The following KCNQ5 variants were observed in gnomAD, a reference collection of about 807,000 sequenced individuals.
KCNQ5 encodes potassium voltage-gated channel subfamily KQT member 5.
KCNQ5 carries 30 observed loss-of-function variants against 98.2 expected under a neutral mutation model. That is an observed-to-expected ratio of 0.31 (90% CI 0.23 to 0.41). KCNQ5 has a LOEUF of 0.41. Among genes scored for constraint, KCNQ5 ranks in the 10% least tolerant of loss-of-function variants. The probability of loss-of-function intolerance (pLI) is 1.00; values close to 1 mark genes in which losing one functional copy is unlikely to be tolerated. For synonymous variants in KCNQ5, 458 were observed against 449.4 expected (o/e 1.02, Z -0.24); for missense variants, 835 against 1,182.5 (o/e 0.71, Z 4.31).
In KCNQ5 at chr6:72,986,847, T is replaced by A. The variant is rs140926840; in HGVS notation, c.399-17061T>A. On this transcript the variant is annotated intron_variant, in intron 1 of 13. Coordinates refer to ENST00000370398, the MANE Select transcript of KCNQ5 (RefSeq NM_019842.4). ...AAGGGGGCCCAGGACCCCACAGCCC[T>A]CTCAGTCCAGAACCCTTGGTTCTGC... is the stretch of plus-strand genomic sequence containing the variant. 3.6e-5 allele frequency: 37 copies of A among 1,024,528 alleles called. No individual in the cohort carries two copies. The African/African-American group carries it at 5.7e-4, about 16-fold the overall frequency. 63.5% of individuals were successfully genotyped at this position (1,024,528 alleles called of 1,614,324 possible).
intron 11 of KCNQ5, among the ~76,000 whole-genome samples, chr6:73,185,643 G>A (rs1778544717): frequency 6.6e-6 from 1 of 152,192 alleles, no homozygotes. Flanking sequence ...AGGACGAAGT[G>A]GAAGGTGATG....
At chr6:73,160,614 G>A (rs2150493348) in intron 10 of KCNQ5, among the ~76,000 whole-genome samples, 1 of 152,306 alleles carries the variant, frequency 6.6e-6, no homozygotes, top group Middle Eastern at 3.4e-3. Context: ...ATTTACTGCT[G>A]TCTTGTGAGG....
chr6:73,057,367 T>C (rs1235006174), intron 3 of KCNQ5, among the ~76,000 whole-genome samples: 1 of 151,576 alleles, frequency 6.6e-6, no homozygotes, highest in Non-Finnish European at 1.5e-5. Context: ...CATTAGGAGA[T>C]ATACCTAATG....
chr6:73,044,457 G>A (rs1771862769), intron 3 of KCNQ5, among the ~76,000 whole-genome samples: 1 of 152,110 alleles, frequency 6.6e-6, no homozygotes, highest in African/African-American at 2.4e-5. Flanking sequence ...CTTACAGTTA[G>A]GATAATTATG....
chr6:73,132,062 G>A (rs1776261493), intron 9 of KCNQ5, among the ~76,000 whole-genome samples: 1 of 152,178 alleles, frequency 6.6e-6, no homozygotes, highest in African/African-American at 2.4e-5. Flanking sequence ...AAGCAACTAG[G>A]CATGGAAAAA....
intron 5 of KCNQ5, among the ~76,000 whole-genome samples, chr6:73,089,239 T>A (rs1364981256): frequency 6.6e-6 from 1 of 152,186 alleles, no homozygotes; most frequent in African/African-American, 2.4e-5. Context: ...AACAATTTAA[T>A]CAATATACAA....
intron 2 of KCNQ5, among the ~76,000 whole-genome samples, chr6:73,030,619 G>A (rs934574572): frequency 6.6e-6 from 1 of 152,186 alleles, no homozygotes; most frequent in Non-Finnish European, 1.5e-5. Flanking sequence ...GGCAAGACTA[G>A]GTTTTGATTC....
intron 11 of KCNQ5, among the ~76,000 whole-genome samples, chr6:73,170,420 C>CCACACACACACACA (rs57867720): frequency 3.5e-5 from 5 of 140,856 alleles, no homozygotes; most frequent in African/African-American, 1.3e-4. Flanking sequence ...ACCTTTCCCA[C>CCACACACACACACA]CACACACACA....
chr6:73,125,847 A>AG (rs148895810), intron 9 of KCNQ5, among the ~76,000 whole-genome samples: 2 of 152,104 alleles, frequency 1.3e-5, no homozygotes, highest in East Asian at 1.9e-4. Flanking sequence ...ACTACCAAAT[A>AG]AGCCAAGGGC....
At chr6:72,648,501 T>C (rs1038450203) in intron 1 of KCNQ5, among the ~76,000 whole-genome samples, 1 of 152,128 alleles carries the variant, frequency 6.6e-6, no homozygotes. Flanking sequence ...AAAACATTTT[T>C]ATAGTGTGAG....
intron 8 of KCNQ5, 133 bp from the exon 9 acceptor site, chr6:73,124,353 C>T (rs1775862364): frequency 2.6e-6 from 2 of 767,130 alleles, no homozygotes; most frequent in Non-Finnish European, 2.2e-6. Context: ...AAGAACACTG[C>T]TTTTGTGGAT....
rs113624392 is a variant in KCNQ5 at position 72,973,096 on chromosome 6, C to T, written c.399-30812C>T. ...TTTGGTAACAGAGGAAAACCATAGCCACATTCACTGATGTCCCAAATGGGT... is the reference window on the plus strand; with the variant it reads ...TTTGGTAACAGAGGAAAACCATAGCTACATTCACTGATGTCCCAAATGGGT... On this transcript the variant is annotated intron_variant, in intron 1 of 13. Transcript: ENST00000370398. 8.9e-3 allele frequency among the ~76,000 whole-genome samples: 1,359 copies of T among 152,292 alleles called. 12 individuals are homozygous for T. The highest frequency in any genetic ancestry group is 0.015 in the Non-Finnish European group (1,014 of 68,026).
Position 72,890,974 on chromosome 6 carries a change from G to A in KCNQ5, c.399-112934G>A, listed in dbSNP as rs536277920. On this transcript the variant is annotated intron_variant, in intron 1 of 13. Transcript: ENST00000370398. ...GTCCACTGTTGTGGAAGAATTTTGGGAAATGGGAAAGGTGCTGGAAGACTA... is the reference window on the plus strand; with the variant it reads ...GTCCACTGTTGTGGAAGAATTTTGGAAAATGGGAAAGGTGCTGGAAGACTA... 7.9e-5 allele frequency among the ~76,000 whole-genome samples: 12 copies of A among 152,332 alleles called. No homozygotes were observed. The South Asian group carries it at 2.5e-3, about 32-fold the overall frequency.
chr6:72,696,637 TTA>T (rs1245104471), intron 1 of KCNQ5, among the ~76,000 whole-genome samples: 2 of 152,184 alleles, frequency 1.3e-5, no homozygotes, highest in Non-Finnish European at 2.9e-5. Context: ...TAAATTAGTG[TTA>T]TTTATAGGTT....
chr6:72,915,367 AT>A (rs993141326), intron 1 of KCNQ5, among the ~76,000 whole-genome samples: 1 of 152,214 alleles, frequency 6.6e-6, no homozygotes, highest in African/African-American at 2.4e-5. Context: ...TTTGCCTCTT[AT>A]TTTTAAAAGC....
intron 1 of KCNQ5, among the ~76,000 whole-genome samples, chr6:72,669,172 C>T (rs975310321): frequency 1.3e-5 from 2 of 152,092 alleles, no homozygotes; most frequent in Non-Finnish European, 2.9e-5. Context: ...GGATGAGACT[C>T]AAGGTATGAT....
chr6:73,128,316 A>G (rs954067207), intron 9 of KCNQ5, among the ~76,000 whole-genome samples: 1 of 152,190 alleles, frequency 6.6e-6, no homozygotes, highest in Non-Finnish European at 1.5e-5. Context: ...AATCTCATAT[A>G]TGTGGTGGTA....
intron 1 of KCNQ5, among the ~76,000 whole-genome samples, chr6:72,732,372 G>T (rs774288981): frequency 1.1e-4 from 17 of 152,050 alleles, no homozygotes; most frequent in Non-Finnish European, 2.2e-4. Flanking sequence ...GCAGGGGAGG[G>T]TGTGGATGTA....
At chr6:72,905,504 G>C (rs1779664064) in intron 1 of KCNQ5, among the ~76,000 whole-genome samples, 1 of 152,168 alleles carries the variant, frequency 6.6e-6, no homozygotes, top group East Asian at 1.9e-4. Context: ...ATTTGGGTAG[G>C]CTCTGTCAGA....
Sources: gnomAD v4.1 joint callset for allele counts (sites outside exome capture counted in the v4.1 genomes callset) on GRCh38, gnomAD v4.1.1 for gene constraint, MANE v1.5 for transcripts, NCBI Gene and HGNC (gene_info 2026-07-23, HGNC 2026-07-21) for gene names.